The following SEL1L3 variants were observed in gnomAD, a reference collection of about 807,000 sequenced individuals.
The protein encoded by SEL1L3 is SEL1L family member 3.
SEL1L3 carries 76 observed loss-of-function variants against 142.8 expected under a neutral mutation model. The ratio of observed to expected loss-of-function variants is 0.53; its 90% CI spans 0.44 to 0.64. SEL1L3 has a LOEUF of 0.64. SEL1L3 is among the 30% of genes least tolerant of loss of function. The probability of loss-of-function intolerance (pLI) is 0.00; values close to 1 mark genes in which losing one functional copy is unlikely to be tolerated. For synonymous variants in SEL1L3, 504 were observed against 519.6 expected (o/e 0.97, Z 0.41); for missense variants, 1,262 against 1,381.7 (o/e 0.91, Z 1.37).
chr4:25,840,354 A>G (rs1203157533), intron 2 of SEL1L3, among the ~76,000 whole-genome samples: 3 of 152,228 alleles, frequency 2.0e-5, no homozygotes, highest in African/African-American at 7.2e-5. Flanking sequence ...TAAAAGTACT[A>G]TCATGACATT....
intron 8 of SEL1L3, among the ~76,000 whole-genome samples, chr4:25,819,437 G>A (rs1714609859): frequency 6.6e-6 from 1 of 152,178 alleles, no homozygotes. Context: ...TGCACTGATG[G>A]GGAAACATTT....
chr4:25,862,284 G>A (rs1358242362), intron 1 of SEL1L3: 1 of 154,940 alleles, frequency 6.5e-6, no homozygotes, highest in African/African-American at 2.5e-5. Flanking sequence ...CGAGAAGATT[G>A]AGAGGGAAGC....
chr4:25,782,775 C>T (rs1208563262), intron 14 of SEL1L3, among the ~76,000 whole-genome samples: 1 of 152,144 alleles, frequency 6.6e-6, no homozygotes, highest in African/African-American at 2.4e-5. Context: ...GAACGCTCAA[C>T]TGAGGCCTGA....
intron 13 of SEL1L3, among the ~76,000 whole-genome samples, chr4:25,784,882 A>G (rs1409369594): frequency 1.3e-5 from 2 of 152,226 alleles, no homozygotes; most frequent in African/African-American, 4.8e-5. Context: ...TGTCCACTAC[A>G]GAGAGACATG....
At chr4:25,851,205 C>A (rs1331592371) in intron 1 of SEL1L3, among the ~76,000 whole-genome samples, 3 of 152,218 alleles carry the variant, frequency 2.0e-5, no homozygotes, top group Non-Finnish European at 4.4e-5. Context: ...ACAATTCACA[C>A]ACTGAAAGTG....
rs149873016 is a variant in SEL1L3, at chr4:25,858,377, T to C, written c.162+4298A>G. 2.4e-4 allele frequency among the ~76,000 whole-genome samples: 37 copies of C among 152,280 alleles called. No homozygotes were observed. The East Asian group carries it at 6.2e-3, about 25-fold the overall frequency. On this transcript the variant is annotated intron_variant, in intron 1 of 23. Transcript: ENST00000399878. ...CTAGATAACTGCAGATCTCTTTACC[T>C]CGTTTTGATCTTCTCATGCTCTGCA... is the stretch of plus-strand genomic sequence containing the variant.
chr4:25,763,892 G>C lies in SEL1L3; in HGVS notation c.2955+1434C>G, dbSNP rs150576438. On this transcript the variant is annotated intron_variant, in intron 20 of 23. Coordinates refer to ENST00000399878, the MANE Select transcript of SEL1L3 (RefSeq NM_015187.5). ...AAAATCCCACCAAAGATTGATACAG[G>C]GATAAGTTTCCAGTTTTTGCTCAGT... 3.6e-3 allele frequency among the ~76,000 whole-genome samples: 545 copies of C among 152,162 alleles called. 1 individual carries two copies. The highest frequency in any genetic ancestry group is 0.012 in the African/African-American group (517 of 41,528).
Position 25,788,180 on chromosome 4 carries a change from T to C in SEL1L3, c.2217+44A>G, listed in dbSNP as rs1480490335. The C allele has an allele frequency of 3.1e-6, 5 of 1,600,278 alleles. No homozygotes were observed. In the Admixed American group the frequency reaches 6.7e-5, roughly 21 times the overall value. On this transcript the variant is annotated intron_variant, in intron 13 of 23. Coordinates refer to ENST00000399878, the MANE Select transcript of SEL1L3 (RefSeq NM_015187.5). The surrounding 1 kb of genome is among the most constrained non-coding windows in gnomAD (Gnocchi z 5.3). ...GCCCACAGGAAACTGCTCAGGAGTC[T>C]GATAAGAATTGCACAATTTCAGCAC...
In SEL1L3 at chr4:25,782,358, C is replaced by A. The variant is rs567682995; in HGVS notation, c.2341G>T (p.Ala781Ser). The A allele has an allele frequency of 6.2e-7, 1 of 1,613,814 alleles. No homozygotes were observed. Residue 781 changes from alanine (A) to serine (S), a missense_variant, in exon 15 of 24, where the codon GCC becomes TCC. Transcript: ENST00000399878. The stretch of plus-strand genomic sequence containing the variant: ...TTTAACCAGTACTTTGCTGCTTTGG[C>A]GTAATTTTTCTTGAATTTGTGGTAA... ...WYYHKFKKNY[A>S]KAAKYWLKAE...
intron 6 of SEL1L3, among the ~76,000 whole-genome samples, chr4:25,826,863 C>A (rs995849973): frequency 3.3e-5 from 5 of 152,060 alleles, no homozygotes; most frequent in Admixed American, 6.5e-5. Flanking sequence ...GGGGTTTCAC[C>A]ATGTTGCCCA....
At chr4:25,848,429 T>G (rs181810750) in intron 1 of SEL1L3, among the ~76,000 whole-genome samples, 6 of 152,380 alleles carry the variant, frequency 3.9e-5, no homozygotes, top group Admixed American at 1.3e-4. Context: ...CTATTGCTCC[T>G]GGTCACACAC....
intron 21 of SEL1L3, among the ~76,000 whole-genome samples, chr4:25,758,083 T>C (rs1375620603): frequency 6.6e-6 from 1 of 152,094 alleles, no homozygotes. Flanking sequence ...ATAAATAAAA[T>C]AAAAGTCAAG....
chr4:25,825,526 G>T (rs1715033660), intron 6 of SEL1L3, among the ~76,000 whole-genome samples: 1 of 152,134 alleles, frequency 6.6e-6, no homozygotes. Flanking sequence ...TGTGAAACAG[G>T]CCTCTCTCAG....
At chr4:25,768,781 C>G (rs1180265869) in intron 17 of SEL1L3, among the ~76,000 whole-genome samples, 1 of 151,346 alleles carries the variant, frequency 6.6e-6, no homozygotes, top group Non-Finnish European at 1.5e-5. Flanking sequence ...AAAAACATAG[C>G]AAAATATTTA....
intron 9 of SEL1L3, among the ~76,000 whole-genome samples, chr4:25,812,979 T>C (rs1034712777): frequency 6.6e-6 from 1 of 152,158 alleles, no homozygotes; most frequent in Non-Finnish European, 1.5e-5. Context: ...GCCACTGCAC[T>C]CCAGCCTGGG....
chr4:25,755,997 T>C lies in SEL1L3; in HGVS notation c.3259+1537A>G, dbSNP rs529585744. 27 of 985,432 alleles carry C rather than the reference T, an allele frequency of 2.7e-5. No homozygotes were observed. In the East Asian group the frequency reaches 2.3e-3, roughly 83 times the overall value. The allele number at this position is 985,432 out of a possible 1,614,324, so 61.0% of individuals were successfully genotyped here. A position where few individuals can be genotyped will look rare whatever the true frequency, so the allele number is the denominator to read the frequency against. On this transcript the variant is annotated intron_variant, in intron 23 of 23. Coordinates refer to ENST00000399878, the MANE Select transcript of SEL1L3 (RefSeq NM_015187.5). ...TATGGGGCATCAAGCCTGGAAGGTT[T>C]TGATGGGTCCTTGTTAACCTCCTCA...
At chr4:25,823,765 C>G (rs1201997492) in intron 6 of SEL1L3, among the ~76,000 whole-genome samples, 1 of 151,954 alleles carries the variant, frequency 6.6e-6, no homozygotes, top group Non-Finnish European at 1.5e-5. Context: ...TGCCAGGAGC[C>G]CAGGGAGCCG....
intron 14 of SEL1L3, among the ~76,000 whole-genome samples, chr4:25,783,112 T>C (rs1711546425): frequency 1.3e-5 from 2 of 152,226 alleles, no homozygotes; most frequent in Non-Finnish European, 2.9e-5. Context: ...AATTCACTAC[T>C]AGGATGGCTA....
intron 12 of SEL1L3, among the ~76,000 whole-genome samples, chr4:25,790,022 C>T (rs536370655): frequency 6.6e-6 from 1 of 152,352 alleles, no homozygotes; most frequent in Non-Finnish European, 1.5e-5. Flanking sequence ...ATTTCCCCTG[C>T]ACCCCAGGGT....
Sources: allele counts gnomAD v4.1 joint callset (sites outside exome capture counted in the v4.1 genomes callset), GRCh38; gene constraint gnomAD v4.1.1; non-coding constraint Gnocchi (gnomAD v3.1); transcripts MANE v1.5; gene names NCBI Gene and HGNC (gene_info 2026-07-23, HGNC 2026-07-21).